The following FRMPD3 variants were observed in gnomAD, a reference collection of about 807,000 sequenced individuals.
FRMPD3 encodes FERM and PDZ domain-containing protein 3.
FRMPD3 carries 42 observed loss-of-function variants against 97.9 expected under a neutral mutation model. That is an observed-to-expected ratio of 0.43 (90% CI 0.34 to 0.55). FRMPD3 has a LOEUF of 0.55. FRMPD3 is among the 20% of genes least tolerant of loss of function. The pLI is 0.03. For missense variants in FRMPD3, 1,303 were observed against 1,457.7 expected, an observed-to-expected ratio of 0.89 and a Z score of 1.73; for synonymous variants, 577 against 581.1, an observed-to-expected ratio of 0.99 and a Z score of 0.10.
At chrX:107,522,412 G>A (rs779284804) in intron 1 of FRMPD3, 1 of 556,316 alleles carries the variant, frequency 1.8e-6, no homozygotes, top group Admixed American at 2.2e-5. Flanking sequence ...GGGCTAGGAC[G>A]TAGAGTGCTG....
At chrX:107,586,389 C>T (rs1321701724) in intron 13 of FRMPD3, among the ~76,000 whole-genome samples, 1 of 109,261 alleles carries the variant, frequency 9.2e-6, no homozygotes, top group Non-Finnish European at 1.9e-5. Flanking sequence ...CAAAAAACCA[C>T]CTCCTGGATT....
At chrX:107,504,136 G>T (rs751426808) in intron 1 of FRMPD3, among the ~76,000 whole-genome samples, 1 of 112,723 alleles carries the variant, frequency 8.9e-6, no homozygotes, top group Non-Finnish European at 1.9e-5. Flanking sequence ...AGCCTCAGCC[G>T]CAAGAGGAAC....
intron 4 of FRMPD3, among the ~76,000 whole-genome samples, chrX:107,539,617 C>G (rs932733282): frequency 4.5e-5 from 5 of 110,886 alleles, no homozygotes; most frequent in East Asian, 2.8e-4. Context: ...TGGGAACCAC[C>G]TCAGAGAAAC....
At chrX:107,569,498 G>A (rs1922779659) in intron 12 of FRMPD3, among the ~76,000 whole-genome samples, 1 of 109,736 alleles carries the variant, frequency 9.1e-6, no homozygotes, top group Non-Finnish European at 1.9e-5. Context: ...GGGAGAGCAG[G>A]GTTGGGAAGC....
At chrX:107,555,625 G>A (rs191121045) in intron 8 of FRMPD3, among the ~76,000 whole-genome samples, 54 of 111,973 alleles carry the variant, frequency 4.8e-4, no homozygotes, top group African/African-American at 1.7e-3. Flanking sequence ...TTATCTGGGA[G>A]GTTTGGGAAA....
intron 1 of FRMPD3, among the ~76,000 whole-genome samples, chrX:107,490,262 T>C (rs1196192565): frequency 1.8e-5 from 2 of 112,099 alleles, no homozygotes; most frequent in Non-Finnish European, 3.8e-5. Context: ...AGTTTGAAGT[T>C]GGGTAGTGTG....
chrX:107,506,427 T>C (rs1411887655), intron 1 of FRMPD3, among the ~76,000 whole-genome samples: 2 of 112,515 alleles, frequency 1.8e-5, no homozygotes, highest in African/African-American at 6.5e-5. Flanking sequence ...TTGAGATCCT[T>C]TGGGGTTTAA....
intron 5 of FRMPD3, among the ~76,000 whole-genome samples, chrX:107,549,572 G>A (rs1468411989): frequency 9.0e-6 from 1 of 111,458 alleles, no homozygotes; most frequent in Non-Finnish European, 1.9e-5. Flanking sequence ...CTAGGGAGGG[G>A]AAAAGGCAGA....
intron 12 of FRMPD3, among the ~76,000 whole-genome samples, chrX:107,575,067 G>A (rs1923049885): frequency 8.9e-6 from 1 of 112,345 alleles, no homozygotes; most frequent in South Asian, 3.7e-4. Flanking sequence ...GAATAGCATT[G>A]CCTGGTCTCT....
At chrX:107,528,291 G>A (rs940727732) in intron 2 of FRMPD3, among the ~76,000 whole-genome samples, 11 of 111,999 alleles carry the variant, frequency 9.8e-5, no homozygotes, top group African/African-American at 3.6e-4. Flanking sequence ...GTCCTACAGA[G>A]GAGCAATTAT....
intron 14 of FRMPD3, 63 bp from the exon 15 acceptor site, chrX:107,600,240 G>C (rs1348940009): frequency 1.8e-6 from 2 of 1,128,595 alleles, no homozygotes; most frequent in African/African-American, 1.8e-5. Context: ...AGGGACAACC[G>C]TGTAGAGCTG....
intron 1 of FRMPD3, among the ~76,000 whole-genome samples, chrX:107,510,539 T>C (rs1922140030): frequency 1.8e-5 from 2 of 110,811 alleles, no homozygotes. Context: ...AGGTACAGAG[T>C]GTTTTGGTGC....
intron 1 of FRMPD3, among the ~76,000 whole-genome samples, chrX:107,497,965 C>T (rs1326777804): frequency 4.5e-5 from 5 of 111,302 alleles, no homozygotes; most frequent in Non-Finnish European, 7.5e-5. Flanking sequence ...GAACTCATGT[C>T]CTGGGTTTTC....
In FRMPD3 at chrX:107,551,681, T is replaced by C. The variant is rs188389875; in HGVS notation, c.511-1114T>C. On this transcript the variant is annotated intron_variant, in intron 6 of 14. Coordinates refer to ENST00000683843, the MANE Select transcript of FRMPD3 (RefSeq NM_001388459.1). ...CACTTGTCCCAGAGAGGTACCTGGG[T>C]GAATTGACAGCCTGGCACAGGGGCT... is the stretch of plus-strand genomic sequence containing the variant. Among the ~76,000 whole-genome samples, 15 of 112,219 alleles carry C rather than the reference T, an allele frequency of 1.3e-4. No individual in the cohort carries two copies. The East Asian group carries it at 3.7e-3, about 27-fold the overall frequency.
chrX:107,560,636 C>T, intron 9 of FRMPD3, 91 bp from the exon 10 acceptor site: 1 of 1,019,476 alleles, frequency 9.8e-7, no homozygotes, highest in Non-Finnish European at 1.3e-6. Flanking sequence ...TCCATCTCTA[C>T]CTCTCAGATT....
rs1262778971 is a variant in FRMPD3, at chrX:107,583,112, C to CT, written c.1441+6662dup. On this transcript the variant is annotated intron_variant, in intron 13 of 14. Transcript: ENST00000683843. ...TTTCTTTTTCTCTTTTTTTCTTTTT[C>CT]TTTTTTTTTCTTTTTACTTTAAGTT... Among the ~76,000 whole-genome samples, 40 of 104,899 alleles carry CT rather than the reference C, an allele frequency of 3.8e-4. 1 individual carries two copies. The highest frequency in any genetic ancestry group is 1.3e-3 in the African/African-American group (36 of 28,682). The allele number at this position is 104,899 out of a possible 115,157, so 91.1% of individuals were successfully genotyped here. A position where few individuals can be genotyped will look rare whatever the true frequency, so the allele number is the denominator to read the frequency against.
intron 7 of FRMPD3, among the ~76,000 whole-genome samples, chrX:107,553,135 T>G (rs1012643021): frequency 7.3e-5 from 8 of 110,136 alleles, no homozygotes; most frequent in African/African-American, 2.0e-4. Context: ...TTAGTCTTGG[T>G]CTCTAGGGGG....
chrX:107,599,275 A>G (rs1273021770), intron 14 of FRMPD3, among the ~76,000 whole-genome samples: 2 of 111,067 alleles, frequency 1.8e-5, no homozygotes, highest in African/African-American at 3.3e-5. Flanking sequence ...TCTAAAAAAA[A>G]AAAAGAAGAA....
intron 1 of FRMPD3, among the ~76,000 whole-genome samples, chrX:107,451,495 C>T (rs1461957132): frequency 8.9e-6 from 1 of 112,125 alleles, no homozygotes; most frequent in Non-Finnish European, 1.9e-5. Flanking sequence ...CCTTCCTTGC[C>T]CATGAAGCTC....
Sources: gnomAD v4.1 joint callset for allele counts (sites outside exome capture counted in the v4.1 genomes callset) on GRCh38, gnomAD v4.1.1 for gene constraint, MANE v1.5 for transcripts, NCBI Gene and HGNC (gene_info 2026-07-23, HGNC 2026-07-21) for gene names.